Variants in ARHGEF17 observed in about 807,000 individuals in gnomAD.
The protein encoded by ARHGEF17 is 164 kDa Rho-specific guanine-nucleotide exchange factor.
Under a neutral mutation model 174.0 loss-of-function variants are expected in ARHGEF17, and 80 were observed. The ratio of observed to expected loss-of-function variants is 0.46; its 90% CI spans 0.38 to 0.55. ARHGEF17 has a LOEUF of 0.55. Ranked by LOEUF, ARHGEF17 falls within the 20% of genes least tolerant of loss-of-function variation. The pLI is 0.00. For missense variants in ARHGEF17, 2,886 were observed against 2,839.7 expected (o/e 1.02, Z -0.37); for synonymous variants, 1,311 against 1,189.1 (o/e 1.10, Z -2.11).
intron 11 of ARHGEF17, 27 bp downstream of exon 11, chr11:73,360,560 T>A (rs765969560): frequency 2.5e-6 from 4 of 1,610,676 alleles, no homozygotes; most frequent in Non-Finnish European, 3.4e-6. Context: ...GTTGGCCCTC[T>A]CCTCCTAGAG....
intron 2 of ARHGEF17, among the ~76,000 whole-genome samples, chr11:73,347,439 G>C (rs1235752806): frequency 6.6e-6 from 1 of 152,170 alleles, no homozygotes; most frequent in Non-Finnish European, 1.5e-5. Flanking sequence ...GGAGTATACG[G>C]GCACTCTAGA....
At chr11:73,324,720 G>A (rs1865073640) in intron 1 of ARHGEF17, among the ~76,000 whole-genome samples, 1 of 152,234 alleles carries the variant, frequency 6.6e-6, no homozygotes, top group South Asian at 2.1e-4. Flanking sequence ...GTTGGGGGCA[G>A]TGCCATCATC....
In ARHGEF17 at chr11:73,310,170, G is replaced by A; in HGVS notation, c.1532G>A (p.Gly511Asp). The A allele has an allele frequency of 6.2e-7, 1 of 1,613,922 alleles. No individual in the cohort carries two copies. Among genetic ancestry groups the A allele is most frequent in the Non-Finnish European group, 8.5e-7 (1 of 1,179,994 alleles). ...GATGGCAGAGACTCACCATCCGCAGGTGGCCCTGTGGGGCAACTTGAACCC... is the reference window on the plus strand; with the variant it reads ...GATGGCAGAGACTCACCATCCGCAGATGGCCCTGTGGGGCAACTTGAACCC... Reference protein sequence around the residue: ...PLDGRDSPSAGGPVGQLEPIP... With the variant: ...PLDGRDSPSADGPVGQLEPIP... Residue 511 changes from glycine to aspartate, a missense_variant, in exon 1 of 21, where the codon GGT becomes GAT. Gly to Asp is a moderately conservative substitution (Grantham distance 94). Around this residue, in one of 4 missense-constraint regions of ARHGEF17, gnomAD observed 1,728 missense variants for 1,461.2 expected, o/e 1.18. Coordinates refer to ENST00000263674, the MANE Select transcript of ARHGEF17 (RefSeq NM_014786.4).
intron 1 of ARHGEF17, among the ~76,000 whole-genome samples, chr11:73,313,028 C>T (rs1167951863): frequency 6.6e-6 from 1 of 152,132 alleles, no homozygotes; most frequent in Non-Finnish European, 1.5e-5. Flanking sequence ...GGCCTGCGCT[C>T]CCACTGCGCT....
rs1253030414 is a variant in ARHGEF17 at position 73,369,385 on chromosome 11, C to T, written c.*1605C>T. Reference sequence around the variant, plus strand: ...AGAAACATGATTCGTAACTTATTTACGTATTAATTGAGAGCTTCTGAGTCA... The same window carrying T: ...AGAAACATGATTCGTAACTTATTTATGTATTAATTGAGAGCTTCTGAGTCA... On this transcript the variant is annotated 3_prime_UTR_variant, in exon 21 of 21. Transcript: ENST00000263674. 1.3e-5 allele frequency: 2 copies of T among 152,200 alleles called. No homozygotes were observed. The highest frequency in any genetic ancestry group is 1.9e-4 in the East Asian group (1 of 5,194). 9.4% of individuals were successfully genotyped at this position (152,200 alleles called of 1,614,324 possible).
In ARHGEF17 at chr11:73,355,646, A is replaced by G; in HGVS notation, c.3567A>G (p.Leu1189=). The G allele has an allele frequency of 1.2e-6, 2 of 1,613,402 alleles. No individual in the cohort carries two copies. Among genetic ancestry groups the G allele is most frequent in the Non-Finnish European group, 1.7e-6 (2 of 1,179,314 alleles). The change falls in exon 4 of 21, where the codon CTA becomes CTG. Residue 1189 remains leucine (L), a synonymous_variant. Transcript: ENST00000263674. ...KEARPAFLKF[L]EQSMRENKEK... ...CGAGGCCTGCCTTTCTCAAGTTCCT[A>G]GAGGTACTGTGGGCTAGGGCAGGGG... is the stretch of plus-strand genomic sequence containing the variant.
In ARHGEF17 at chr11:73,355,604, G is replaced by A; in HGVS notation, c.3525G>A (p.Val1175=). ...IDNFLNAKDA[V]RVAKEARPAF... ...ACTTCCTCAATGCAAAGGATGCTGTGCGTGTGGCCAAGGAGGCGAGGCCTG... is the reference window on the plus strand; with the variant it reads ...ACTTCCTCAATGCAAAGGATGCTGTACGTGTGGCCAAGGAGGCGAGGCCTG... The change falls in exon 4 of 21, where the codon GTG becomes GTA. Residue 1175 remains valine (V), a synonymous_variant. Coordinates refer to ENST00000263674, the MANE Select transcript of ARHGEF17 (RefSeq NM_014786.4). 6.2e-7 allele frequency: 1 copy of A among 1,614,214 alleles called. No homozygotes were observed. The highest frequency in any genetic ancestry group is 8.5e-7 in the Non-Finnish European group (1 of 1,180,028).
chr11:73,360,261 G>T, intron 10 of ARHGEF17, 59 bp from the exon 11 acceptor site: 1 of 1,582,614 alleles, frequency 6.3e-7, no homozygotes, highest in Non-Finnish European at 8.6e-7. Context: ...ACACATTAAG[G>T]GCAGGTGCAG....
At chr11:73,361,013 G>A in intron 11 of ARHGEF17, 75 bp from the exon 12 acceptor site, 4 of 1,258,694 alleles carry the variant, frequency 3.2e-6, no homozygotes, top group Non-Finnish European at 3.4e-6. Flanking sequence ...GAAGGGGAAT[G>A]GGGCAGGGGC....
Position 73,308,751 on chromosome 11 carries a change from T to G in ARHGEF17, c.113T>G (p.Leu38Trp), listed in dbSNP as rs775323671. Residue 38 changes from leucine (L) to tryptophan (W), a missense_variant, in exon 1 of 21, where the codon TTG becomes TGG. Transcript: ENST00000263674. ...GAGGAGGACACGGACACCCCCGGCT[T>G]GAGGCGACGCGCCTCGTGCCGGCCG... The part of the protein sequence containing the change: ...LREEDTDTPG[L>W]RRRASCRPTT... 57 of 1,476,048 alleles carry G rather than the reference T, an allele frequency of 3.9e-5. No homozygotes were observed. The highest frequency in any genetic ancestry group is 5.0e-5 in the Non-Finnish European group (56 of 1,120,200). 91.4% of individuals were successfully genotyped at this position (1,476,048 alleles called of 1,614,324 possible). A position where few individuals can be genotyped will look rare whatever the true frequency, so the allele number is the denominator to read the frequency against.
At position 73,362,688 on chromosome 11, in the gene ARHGEF17, G is replaced by T. The variant is rs780587413; in HGVS notation, c.4950G>T (p.Thr1650=). The T allele has an allele frequency of 1.9e-6, 3 of 1,608,866 alleles. No individual in the cohort carries two copies. The African/African-American group carries it at 4.0e-5, about 21-fold the overall frequency. The part of the protein sequence containing the change: ...DDESSPSPSG[T]LQSQASRSTI... ...AGTCTTCGCCCAGCCCCTCGGGGAC[G>T]CTGCAGAGCCAGGCCAGCCGGTCCA... The change falls in exon 14 of 21, where the codon ACG becomes ACT. Residue 1650 remains threonine, a synonymous_variant. Transcript: ENST00000263674.
At chr11:73,330,967 G>C (rs1036733836) in intron 1 of ARHGEF17, among the ~76,000 whole-genome samples, 2 of 152,202 alleles carry the variant, frequency 1.3e-5, no homozygotes, top group Non-Finnish European at 2.9e-5. Context: ...CAGCCCTCTG[G>C]ATCCAGGAAG....
intron 1 of ARHGEF17, among the ~76,000 whole-genome samples, chr11:73,334,374 A>G (rs1455920886): frequency 2.6e-5 from 4 of 152,110 alleles, no homozygotes; most frequent in South Asian, 2.1e-4. Flanking sequence ...CTACACAAAG[A>G]TGGAGAGGTG....
chr11:73,360,833 A>G lies in ARHGEF17; in HGVS notation c.4421-255A>G, dbSNP rs79623707. 0.085 allele frequency among the ~76,000 whole-genome samples: 13,015 copies of G among 152,282 alleles called. 563 individuals are homozygous for G. The highest frequency in any genetic ancestry group is 0.1 in the Non-Finnish European group (7,084 of 68,002). On this transcript the variant is annotated intron_variant, in intron 11 of 20. Transcript: ENST00000263674. Reference sequence around the variant, plus strand: ...CTACACACACTCTGAGCAGGGCTGGATCAGGGAAAGCGATTGATCAGGGTT... The same window carrying G: ...CTACACACACTCTGAGCAGGGCTGGGTCAGGGAAAGCGATTGATCAGGGTT...
intron 2 of ARHGEF17, among the ~76,000 whole-genome samples, chr11:73,351,388 C>A (rs1865551100): frequency 6.6e-6 from 1 of 152,120 alleles, no homozygotes; most frequent in Non-Finnish European, 1.5e-5. Context: ...CACAAGCGCA[C>A]CGGCCCCTGA....
rs74603713 is a variant in ARHGEF17 at position 73,344,113 on chromosome 11, G to A, written c.3193-2770G>A. Among the ~76,000 whole-genome samples the A allele has an allele frequency of 3.2e-3, 493 of 152,298 alleles. 4 individuals carry two copies. Among genetic ancestry groups the A allele is most frequent in the African/African-American group, 9.7e-3 (403 of 41,556 alleles). ...TGCCCACCTCAGTGCCCGGTGTAGC[G>A]AAGGTCTGGGGATGGGGCTGGTGAG... On this transcript the variant is annotated intron_variant, in intron 1 of 20. Coordinates refer to ENST00000263674, the MANE Select transcript of ARHGEF17 (RefSeq NM_014786.4).
Position 73,365,241 on chromosome 11 carries a change from C to A in ARHGEF17, c.5551-149C>A. On this transcript the variant is annotated intron_variant, in intron 18 of 20. Coordinates refer to ENST00000263674, the MANE Select transcript of ARHGEF17 (RefSeq NM_014786.4). The surrounding 1 kb of genome is among the most constrained non-coding windows in gnomAD (Gnocchi z 4.9). ...TTCCTGAGAACTAAGTTGGGAGGTG[C>A]TGGTGAAACCAAGCTTCGAAAGGTT... 1.3e-6 allele frequency: 1 copy of A among 790,232 alleles called. No homozygotes were observed. Among genetic ancestry groups the A allele is most frequent in the Non-Finnish European group, 2.0e-6 (1 of 498,206 alleles). The allele number at this position is 790,232 out of a possible 1,614,324, so 49.0% of individuals were successfully genotyped here.
rs755743298 is a variant in ARHGEF17 at position 73,363,779 on chromosome 11, G to A, written c.5279G>A (p.Arg1760His). ...GTGTACCAGTCCTCCGACAGCATCC[G>A]TGACCGCAGGAACAGCATGAAGCTC... ...VHVYQSSDSIRDRRNSMKLQH... is the reference protein window; with the variant it reads ...VHVYQSSDSIHDRRNSMKLQH... The change falls in exon 16 of 21, where the codon CGT becomes CAT. Residue 1760 changes from arginine to histidine, a missense_variant. Physicochemically the swap from Arg to His is conservative, Grantham distance 29. Coordinates refer to ENST00000263674, the MANE Select transcript of ARHGEF17 (RefSeq NM_014786.4). 6.2e-6 allele frequency: 10 copies of A among 1,614,068 alleles called. No individual in the cohort carries two copies. The highest frequency in any genetic ancestry group is 1.3e-5 in the African/African-American group (1 of 75,054).
chr11:73,356,509 C>T (rs529673240), intron 6 of ARHGEF17, 158 bp downstream of exon 6: 24 of 1,132,236 alleles, frequency 2.1e-5, no homozygotes, highest in East Asian at 1.8e-4. Context: ...TGTGGCCACA[C>T]GTCTCCACCT....
Sources: allele counts gnomAD v4.1 joint callset (sites outside exome capture counted in the v4.1 genomes callset), GRCh38; gene constraint gnomAD v4.1.1; regional missense constraint gnomAD v4.1.1; non-coding constraint Gnocchi (gnomAD v3.1); transcripts MANE v1.5; gene names NCBI Gene and HGNC (gene_info 2026-07-23, HGNC 2026-07-21).